Variants in SLCO3A1 observed in about 807,000 individuals in gnomAD.
SLCO3A1 encodes solute carrier organic anion transporter family member 3A1.
In SLCO3A1, 27 loss-of-function variants were observed where a neutral mutation model predicts 63.1. That is an observed-to-expected ratio of 0.43 (90% CI 0.32 to 0.59). The LOEUF is 0.59. Ranked by LOEUF, SLCO3A1 falls within the 20% of genes least tolerant of loss-of-function variation. The pLI, the probability that SLCO3A1 is intolerant of heterozygous loss-of-function variation, is 0.09. For synonymous variants in SLCO3A1, 473 were observed against 409.9 expected (o/e 1.15, Z -1.86); for missense variants, 773 against 945.8 (o/e 0.82, Z 2.40).
chr15:91,984,897 T>TG (rs2046031206), intron 2 of SLCO3A1, among the ~76,000 whole-genome samples: 1 of 152,244 alleles, frequency 6.6e-6, no homozygotes. Context: ...GTGTTGTGTT[T>TG]GTATTATTAT....
chr15:91,974,295 A>ATTATTATTG (rs1361003958), intron 2 of SLCO3A1, among the ~76,000 whole-genome samples: 4 of 150,006 alleles, frequency 2.7e-5, no homozygotes, highest in African/African-American at 9.8e-5. Context: ...TATTATTATT[A>ATTATTATTG]TTATTTCTCT....
intron 2 of SLCO3A1, among the ~76,000 whole-genome samples, chr15:91,917,096 G>A (rs1898687438): frequency 6.6e-6 from 1 of 152,220 alleles, no homozygotes; most frequent in Admixed American, 6.5e-5. Flanking sequence ...CATCTGAGTG[G>A]CAAGTTGTTT....
rs890551513 is a variant in SLCO3A1 at position 92,164,598 on chromosome 15, TAAG to T, written c.*1467_*1469del. 12 of 925,680 alleles carry T rather than the reference TAAG, an allele frequency of 1.3e-5. No individual in the cohort carries two copies. The African/African-American group carries it at 3.0e-4, about 23-fold the overall frequency. 57.3% of individuals were successfully genotyped at this position (925,680 alleles called of 1,614,324 possible). On this transcript the variant is annotated 3_prime_UTR_variant, in exon 10 of 10. Transcript: ENST00000318445. ...AGAACAGTTCCCTAACACAAGCTGT[TAAG>T]AAGTCTGTAGCATCTCTGATAACGA...
In SLCO3A1 at chr15:92,094,018, T is replaced by C. The variant is rs182247613; in HGVS notation, c.647-863T>C. On this transcript the variant is annotated intron_variant, in intron 2 of 9. Coordinates refer to ENST00000318445, the MANE Select transcript of SLCO3A1 (RefSeq NM_013272.4). ...GGAAGGGCCACTTTCTGGACTCTTATTTTTGCCTCCAGGGCCTGGAGAACT... is the reference window on the plus strand; with the variant it reads ...GGAAGGGCCACTTTCTGGACTCTTACTTTTGCCTCCAGGGCCTGGAGAACT... Among the ~76,000 whole-genome samples the C allele has an allele frequency of 1.8e-4, 27 of 152,320 alleles. No individual in the cohort carries two copies. The East Asian group carries it at 4.6e-3, about 26-fold the overall frequency.
chr15:92,032,418 G>C (rs2046662941), intron 2 of SLCO3A1, among the ~76,000 whole-genome samples: 1 of 152,168 alleles, frequency 6.6e-6, no homozygotes, highest in African/African-American at 2.4e-5. Context: ...AGGGAAGTCT[G>C]AGAGGCTAAG....
chr15:91,972,436 C>T (rs1259190190), intron 2 of SLCO3A1, among the ~76,000 whole-genome samples: 2 of 152,106 alleles, frequency 1.3e-5, no homozygotes, highest in Non-Finnish European at 2.9e-5. Flanking sequence ...CTCTCCATGA[C>T]GTGAGGGTAC....
intron 7 of SLCO3A1, among the ~76,000 whole-genome samples, chr15:92,132,754 C>T (rs796840943): frequency 2.1e-5 from 3 of 145,422 alleles, no homozygotes; most frequent in African/African-American, 7.5e-5. Context: ...ATTTATTGAG[C>T]ACCTGTTTCA....
chr15:92,036,740 T>C (rs1169620517), intron 2 of SLCO3A1, among the ~76,000 whole-genome samples: 1 of 152,226 alleles, frequency 6.6e-6, no homozygotes, highest in Non-Finnish European at 1.5e-5. Context: ...TGAAGTCTTG[T>C]GACTTTGTAG....
At chr15:91,974,503 A>G (rs1901019579) in intron 2 of SLCO3A1, among the ~76,000 whole-genome samples, 1 of 152,072 alleles carries the variant, frequency 6.6e-6, no homozygotes, top group African/African-American at 2.4e-5. Flanking sequence ...ACTGCTGGAA[A>G]CTAGAAGGTG....
intron 2 of SLCO3A1, among the ~76,000 whole-genome samples, chr15:91,973,754 C>A (rs563083943): frequency 6.6e-6 from 1 of 152,160 alleles, no homozygotes; most frequent in South Asian, 2.1e-4. Context: ...TGCACAGGAC[C>A]GGCATCCACA....
chr15:92,073,545 A>G (rs1188407687), intron 2 of SLCO3A1, among the ~76,000 whole-genome samples: 1 of 152,216 alleles, frequency 6.6e-6, no homozygotes, highest in Non-Finnish European at 1.5e-5. Flanking sequence ...GACAAGCCAT[A>G]TTAAACAGAT....
chr15:92,086,011 AT>A (rs1400840694), intron 2 of SLCO3A1, among the ~76,000 whole-genome samples: 2 of 152,154 alleles, frequency 1.3e-5, no homozygotes, highest in Non-Finnish European at 2.9e-5. Flanking sequence ...AGATCACAGT[AT>A]GTTTTTCTGT....
At chr15:92,105,818 G>C (rs1177043000) in intron 4 of SLCO3A1, among the ~76,000 whole-genome samples, 1 of 152,224 alleles carries the variant, frequency 6.6e-6, no homozygotes, top group Non-Finnish European at 1.5e-5. Context: ...AGCCGGGCCA[G>C]CCTTCCACAG....
chr15:91,941,617 A>C lies in SLCO3A1; in HGVS notation c.646+25159A>C, dbSNP rs1201882905. On this transcript the variant is annotated intron_variant, in intron 2 of 9. Transcript: ENST00000318445. The surrounding 1 kb of genome is among the most constrained non-coding windows in gnomAD (Gnocchi z 4.4). ...TCTTCCTTCGTCTTGGAGGTTTTGA[A>C]GCTTCTAATCTCCCATGGGTTTTGT... 1 of 455,192 alleles carries C rather than the reference A, an allele frequency of 2.2e-6. No homozygotes were observed. Among genetic ancestry groups the C allele is most frequent in the Admixed American group, 2.4e-5 (1 of 42,420 alleles). 28.2% of individuals were successfully genotyped at this position (455,192 alleles called of 1,614,324 possible).
intron 2 of SLCO3A1, among the ~76,000 whole-genome samples, chr15:92,031,767 C>T (rs567540289): frequency 6.6e-6 from 1 of 152,326 alleles, no homozygotes; most frequent in South Asian, 2.1e-4. Flanking sequence ...ACAGGGCATC[C>T]ATCACCTCAA....
At chr15:92,040,852 C>A (rs771396879) in intron 2 of SLCO3A1, among the ~76,000 whole-genome samples, 1 of 152,130 alleles carries the variant, frequency 6.6e-6, no homozygotes, top group African/African-American at 2.4e-5. Flanking sequence ...ATGACCATTT[C>A]CAGATGCAAC....
At chr15:92,006,436 T>C (rs1597213191) in intron 2 of SLCO3A1, among the ~76,000 whole-genome samples, 1 of 152,330 alleles carries the variant, frequency 6.6e-6, no homozygotes, top group East Asian at 1.9e-4. Flanking sequence ...AGGTGCTTTT[T>C]GGTTAGAGGC....
chr15:91,853,974 G>C lies in SLCO3A1; in HGVS notation c.66G>C (p.Glu22Asp), dbSNP rs746792808. ...GGRSGELQGD[E>D]AQRNKKKKKK... Reference sequence around the variant, plus strand: ...GGAGCGGCGAGCTGCAGGGGGACGAGGCGCAGAGGAACAAGAAAAAGAAAA... The same window carrying C: ...GGAGCGGCGAGCTGCAGGGGGACGACGCGCAGAGGAACAAGAAAAAGAAAA... The change falls in exon 1 of 10, where the codon GAG (glutamate) becomes GAC (aspartate). Residue 22 changes from glutamate to aspartate, a missense_variant. Physicochemically the swap from Glu to Asp is conservative, Grantham distance 45 (BLOSUM62 2). Transcript: ENST00000318445. The C allele has an allele frequency of 1.3e-6, 2 of 1,511,478 alleles. No homozygotes were observed. The highest frequency in any genetic ancestry group is 8.9e-7 in the Non-Finnish European group (1 of 1,127,786). 93.6% of individuals were successfully genotyped at this position (1,511,478 alleles called of 1,614,324 possible). A position where few individuals can be genotyped will look rare whatever the true frequency, so the allele number is the denominator to read the frequency against.
intron 1 of SLCO3A1, among the ~76,000 whole-genome samples, chr15:91,881,583 AAAG>A (rs1222675765): frequency 3.3e-5 from 5 of 152,042 alleles, no homozygotes; most frequent in African/African-American, 1.2e-4. Flanking sequence ...CTAAAGAAAG[AAAG>A]AAAGGGTTTT....
Sources: allele counts gnomAD v4.1 joint callset (sites outside exome capture counted in the v4.1 genomes callset), GRCh38; gene constraint gnomAD v4.1.1; non-coding constraint Gnocchi (gnomAD v3.1); transcripts MANE v1.5; gene names NCBI Gene and HGNC (gene_info 2026-07-23, HGNC 2026-07-21).